The following LRRFIP2 variants were observed in gnomAD, a reference collection of about 807,000 sequenced individuals.
LRRFIP2 encodes LRR binding FLII interacting protein 2.
A neutral mutation model predicts 125.9 loss-of-function variants in LRRFIP2; 109 were observed. The observed-to-expected ratio is 0.87, with a 90% confidence interval of 0.74 to 1.01. The LOEUF is 1.01. Ranked by LOEUF, LRRFIP2 falls within the 50% of genes least tolerant of loss-of-function variation. The probability of loss-of-function intolerance (pLI) is 0.00; values close to 1 mark genes in which losing one functional copy is unlikely to be tolerated. For missense variants in LRRFIP2, 850 were observed against 862.3 expected (o/e 0.99, Z 0.18); for synonymous variants, 291 against 293.1 (o/e 0.99, Z 0.07).
At chr3:37,164,726 A>C (rs2150306303) in intron 1 of LRRFIP2, among the ~76,000 whole-genome samples, 2 of 152,122 alleles carry the variant, frequency 1.3e-5, no homozygotes, top group South Asian at 4.2e-4. Context: ...GTCTCAAAAA[A>C]AAAAAAAAAA....
chr3:37,129,248 G>A (rs1577100319), intron 2 of LRRFIP2, 99 bp from the exon 3 acceptor site: 1 of 967,604 alleles, frequency 1.0e-6, no homozygotes, highest in Non-Finnish European at 1.6e-6. Flanking sequence ...ACGCAAAAGG[G>A]GTGGGCAGGA....
chr3:37,100,407 T>G (rs1447539480), intron 15 of LRRFIP2, among the ~76,000 whole-genome samples: 1 of 150,352 alleles, frequency 6.7e-6, no homozygotes, highest in African/African-American at 2.4e-5. Flanking sequence ...TGTGTATGTA[T>G]ATATACATAT....
rs2088419587 is a variant in LRRFIP2, at chr3:37,060,828, C to A, written c.1750-1918G>T. Among the ~76,000 whole-genome samples, 1 of 152,126 alleles carries A rather than the reference C, an allele frequency of 6.6e-6. No homozygotes were observed. Among genetic ancestry groups the A allele is most frequent in the African/African-American group, 2.4e-5 (1 of 41,412 alleles). On this transcript the variant is annotated intron_variant, in intron 24 of 27. Transcript: ENST00000336686. This position sits in a 1 kb window ranked among gnomAD's most constrained non-coding sequence, Gnocchi z 4.1. ...CAACTTGCACTCCCTCTAGACTATT[C>A]CTGTCTTAATTTTTGGCAATTTCAA...
chr3:37,108,812 A>T, intron 11 of LRRFIP2, 128 bp from the exon 12 acceptor site: 1 of 637,258 alleles, frequency 1.6e-6, no homozygotes, highest in East Asian at 2.9e-5. Context: ...GCCTCCCAGA[A>T]TGAAAACCCT....
chr3:37,084,907 A>T (rs545079331), intron 18 of LRRFIP2, among the ~76,000 whole-genome samples: 12 of 152,328 alleles, frequency 7.9e-5, no homozygotes, highest in South Asian at 2.1e-4. Context: ...AAATAAATTT[A>T]AAAAATACTA....
At chr3:37,063,034 T>C (rs2089199642) in intron 24 of LRRFIP2, among the ~76,000 whole-genome samples, 1 of 152,036 alleles carries the variant, frequency 6.6e-6, no homozygotes. Flanking sequence ...GGAACTGAAA[T>C]AACACCAGAT....
At chr3:37,085,966 C>A (rs1002147190) in intron 18 of LRRFIP2, among the ~76,000 whole-genome samples, 3 of 152,110 alleles carry the variant, frequency 2.0e-5, no homozygotes, top group Non-Finnish European at 1.5e-5. Flanking sequence ...ATTTATAAAT[C>A]TTATATCTGA....
At chr3:37,163,005 C>T (rs1175545613) in intron 1 of LRRFIP2, among the ~76,000 whole-genome samples, 1 of 152,214 alleles carries the variant, frequency 6.6e-6, no homozygotes, top group Non-Finnish European at 1.5e-5. Flanking sequence ...CCACATAGAG[C>T]AATCTACTCT....
At chr3:37,067,425 C>G (rs889787748) in intron 21 of LRRFIP2, 2 of 152,134 alleles carry the variant, frequency 1.3e-5, no homozygotes, top group Non-Finnish European at 1.5e-5. Context: ...TTTGAAAAAG[C>G]CTTTCCCCAA....
At position 37,063,735 on chromosome 3, in the gene LRRFIP2, C is replaced by A; in HGVS notation, c.1749+7G>T. Reference sequence around the variant, plus strand: ...ATTATATTACACTCCAATAAGAATGCCTTTACCTGTGACAGTAGTTCTTCC... The same window carrying A: ...ATTATATTACACTCCAATAAGAATGACTTTACCTGTGACAGTAGTTCTTCC... On this transcript the variant is annotated splice_region_variant and intron_variant, in intron 24 of 27. Transcript: ENST00000336686. 1 of 1,604,268 alleles carries A rather than the reference C, an allele frequency of 6.2e-7. No homozygotes were observed. Among genetic ancestry groups the A allele is most frequent in the Non-Finnish European group, 8.5e-7 (1 of 1,171,316 alleles).
chr3:37,143,555 T>C, intron 2 of LRRFIP2: 1 of 251,338 alleles, frequency 4.0e-6, no homozygotes, highest in South Asian at 5.9e-5. Context: ...CTCCTTGTCC[T>C]ACAAATGATG....
At chr3:37,119,684 A>G (rs2094940340) in intron 6 of LRRFIP2, among the ~76,000 whole-genome samples, 1 of 152,182 alleles carries the variant, frequency 6.6e-6, no homozygotes, top group African/African-American at 2.4e-5. Flanking sequence ...ATTTTGAGAC[A>G]GAGTATCACT....
intron 11 of LRRFIP2, 32 bp downstream of exon 11, chr3:37,109,495 C>T (rs1172346329): frequency 6.2e-7 from 1 of 1,611,422 alleles, no homozygotes; most frequent in East Asian, 2.2e-5. Context: ...ACCCCACCAG[C>T]ACTGCACACA....
At position 37,148,937 on chromosome 3, in the gene LRRFIP2, C is replaced by A; in HGVS notation, c.47G>T (p.Arg16Leu). 1 of 1,614,058 alleles carries A rather than the reference C, an allele frequency of 6.2e-7. No homozygotes were observed. The highest frequency in any genetic ancestry group is 8.5e-7 in the Non-Finnish European group (1 of 1,179,982). ...CAAAGCTTCATCTTCTGCAGAAAATCGGTCTTTCACAGGTGTTCTTTTCCT... is the reference window on the plus strand; with the variant it reads ...CAAAGCTTCATCTTCTGCAGAAAATAGGTCTTTCACAGGTGTTCTTTTCCT... The part of the protein sequence containing the change: ...SGRKRTPVKD[R>L]FSAEDEALSN... Residue 16 changes from arginine to leucine, a missense_variant, in exon 2 of 28, where the codon CGA becomes CTA. Arg to Leu is a moderately radical substitution (Grantham distance 102). Transcript: ENST00000336686.
At chr3:37,054,345 A>T in intron 27 of LRRFIP2, 66 bp downstream of exon 27, 1 of 1,313,318 alleles carries the variant, frequency 7.6e-7, no homozygotes, top group East Asian at 2.3e-5. Flanking sequence ...CACAGCTAAG[A>T]ATTATTTCCA....
chr3:37,066,393 A>G, intron 21 of LRRFIP2, 68 bp from the exon 22 acceptor site: 2 of 1,191,666 alleles, frequency 1.7e-6, no homozygotes, highest in Non-Finnish European at 1.3e-6. Context: ...GTAGCAGAGA[A>G]GTACCTAATT....
intron 19 of LRRFIP2, among the ~76,000 whole-genome samples, chr3:37,077,798 T>C (rs1047324718): frequency 6.6e-6 from 1 of 152,196 alleles, no homozygotes; most frequent in Non-Finnish European, 1.5e-5. Flanking sequence ...GTGGTATATA[T>C]ACAGTGGAAT....
rs988200319 is a variant in LRRFIP2, at chr3:37,151,898, C to T, written c.-55-2860G>A. Among the ~76,000 whole-genome samples the T allele has an allele frequency of 2.0e-5, 3 of 152,132 alleles. No individual in the cohort carries two copies. In the East Asian group the frequency reaches 5.8e-4, roughly 29 times the overall value. ...GGGATTACAGGCATGAGCCACCAGG[C>T]CTGGCCGGAAGATTTCTTAAAGAAC... is the stretch of plus-strand genomic sequence containing the variant. On this transcript the variant is annotated intron_variant, in intron 1 of 27. Transcript: ENST00000336686.
chr3:37,149,049 C>A lies in LRRFIP2; in HGVS notation c.-55-11G>T. The A allele has an allele frequency of 6.3e-7, 1 of 1,585,790 alleles. No individual in the cohort carries two copies. The highest frequency in any genetic ancestry group is 1.8e-5 in the Admixed American group (1 of 54,332). ...ACTGTGTTTTCAGCCCTGAAGTAAA[C>A]AAAAACATAATAACTTAAGGTATTT... is the stretch of plus-strand genomic sequence containing the variant. On this transcript the variant is annotated splice_polypyrimidine_tract_variant and intron_variant, in intron 1 of 27. Coordinates refer to ENST00000336686, the MANE Select transcript of LRRFIP2 (RefSeq NM_006309.4).
Sources: allele counts gnomAD v4.1 joint callset (sites outside exome capture counted in the v4.1 genomes callset), GRCh38; gene constraint gnomAD v4.1.1; non-coding constraint Gnocchi (gnomAD v3.1); transcripts MANE v1.5; gene names NCBI Gene and HGNC (gene_info 2026-07-23, HGNC 2026-07-21).